ADAMTS6: variants seen among roughly 807,000 people sequenced by gnomAD.
ADAMTS6 encodes the protein A disintegrin and metalloproteinase with thrombospondin motifs 6.
ADAMTS6 carries 23 observed loss-of-function variants against 144.3 expected under a neutral mutation model. That is an observed-to-expected ratio of 0.16 (90% confidence interval 0.11 to 0.23). The LOEUF is 0.23. Among genes scored for constraint, ADAMTS6 ranks in the 10% least tolerant of loss-of-function variants. ADAMTS6 has a pLI of 1.00. For missense variants in ADAMTS6, 999 were observed against 1,379.6 expected (o/e 0.72, Z 4.37); for synonymous variants, 444 against 457.5 (o/e 0.97, Z 0.38).
chr5:65,353,137 T>C (rs1234589913), intron 7 of ADAMTS6, among the ~76,000 whole-genome samples: 2 of 152,058 alleles, frequency 1.3e-5, no homozygotes, highest in Admixed American at 6.5e-5. Context: ...TTGTTATCTA[T>C]GAGGTGCATC....
At position 65,367,906 on chromosome 5, in the gene ADAMTS6, A is replaced by G. The variant is rs562194817; in HGVS notation, c.1074-33821T>C. On this transcript the variant is annotated intron_variant, in intron 7 of 24. Coordinates refer to ENST00000381055, the MANE Select transcript of ADAMTS6 (RefSeq NM_197941.4). ...TATATATATGTGTATATATATGTGT[A>G]TATATATGACCAATCACATAAAATT... is the stretch of plus-strand genomic sequence containing the variant. 4.3e-4 allele frequency among the ~76,000 whole-genome samples: 65 copies of G among 152,094 alleles called. No individual in the cohort carries two copies. In the South Asian group the frequency reaches 0.013, roughly 30 times the overall value.
At chr5:65,168,148 C>T (rs1274671423) in intron 24 of ADAMTS6, among the ~76,000 whole-genome samples, 1 of 148,516 alleles carries the variant, frequency 6.7e-6, no homozygotes, top group Non-Finnish European at 1.5e-5. Flanking sequence ...TCATCTCAGC[C>T]CAAAATCTCC....
intron 7 of ADAMTS6, among the ~76,000 whole-genome samples, chr5:65,379,888 G>T (rs1195657972): frequency 6.6e-6 from 1 of 151,694 alleles, no homozygotes; most frequent in Non-Finnish European, 1.5e-5. Flanking sequence ...ACATACATTT[G>T]CCTTTTAACT....
chr5:65,185,233 G>A (rs1421091800), intron 22 of ADAMTS6, among the ~76,000 whole-genome samples: 3 of 152,128 alleles, frequency 2.0e-5, no homozygotes, highest in Non-Finnish European at 2.9e-5. Flanking sequence ...CTTACTTATT[G>A]TTAACCCATC....
At chr5:65,460,469 A>G (rs1759564497) in intron 3 of ADAMTS6, 131 bp from the exon 4 acceptor site, 1 of 832,284 alleles carries the variant, frequency 1.2e-6, no homozygotes, top group South Asian at 1.9e-5. Flanking sequence ...TAAAAAAATT[A>G]GCGAATTATC....
intron 1 of ADAMTS6, among the ~76,000 whole-genome samples, chr5:65,478,582 C>T (rs1283453850): frequency 2.6e-5 from 4 of 152,106 alleles, no homozygotes; most frequent in Non-Finnish European, 5.9e-5. Context: ...ATTAGCCCTC[C>T]TTCCTTCATT....
At chr5:65,415,075 C>A (rs183006230) in intron 7 of ADAMTS6, among the ~76,000 whole-genome samples, 1 of 152,012 alleles carries the variant, frequency 6.6e-6, no homozygotes, top group East Asian at 1.9e-4. Flanking sequence ...AAAATATTTG[C>A]GAATCATATA....
chr5:65,291,125 T>C (rs1742259143), intron 11 of ADAMTS6, among the ~76,000 whole-genome samples: 2 of 152,122 alleles, frequency 1.3e-5, no homozygotes, highest in Admixed American at 6.6e-5. Context: ...TCACAAGAAA[T>C]CTGTAATGTG....
chr5:65,361,340 C>T (rs1749804660), intron 7 of ADAMTS6, among the ~76,000 whole-genome samples: 1 of 152,164 alleles, frequency 6.6e-6, no homozygotes, highest in African/African-American at 2.4e-5. Context: ...TCCAAAGACA[C>T]TCAAATAGCC....
intron 7 of ADAMTS6, among the ~76,000 whole-genome samples, chr5:65,357,899 T>G (rs1464427130): frequency 2.6e-5 from 4 of 151,912 alleles, no homozygotes; most frequent in Non-Finnish European, 4.4e-5. Flanking sequence ...TGAATTATAC[T>G]AAATATCTAA....
At chr5:65,314,524 C>G (rs1744803715) in intron 9 of ADAMTS6, among the ~76,000 whole-genome samples, 1 of 151,876 alleles carries the variant, frequency 6.6e-6, no homozygotes, top group African/African-American at 2.4e-5. Context: ...TGACAGATAC[C>G]CAACTACAGA....
At chr5:65,209,689 CAT>C (rs1756363051) in intron 20 of ADAMTS6, among the ~76,000 whole-genome samples, 1 of 152,184 alleles carries the variant, frequency 6.6e-6, no homozygotes, top group Non-Finnish European at 1.5e-5. Flanking sequence ...ATTAATAAAA[CAT>C]ATGCAGGAAA....
chr5:65,233,678 C>G (rs1280572729), intron 15 of ADAMTS6, among the ~76,000 whole-genome samples: 1 of 151,930 alleles, frequency 6.6e-6, no homozygotes, highest in Non-Finnish European at 1.5e-5. Context: ...TTGGAAAGAT[C>G]AATATTGTCA....
At chr5:65,271,632 C>G (rs1762065570) in intron 12 of ADAMTS6, among the ~76,000 whole-genome samples, 1 of 152,006 alleles carries the variant, frequency 6.6e-6, no homozygotes, top group African/African-American at 2.4e-5. Flanking sequence ...ACTGGTGGAG[C>G]TGAGCTATGT....
intron 1 of ADAMTS6, among the ~76,000 whole-genome samples, chr5:65,474,796 C>CAAA (rs11330695): frequency 6.3e-5 from 5 of 78,852 alleles, no homozygotes; most frequent in African/African-American, 1.3e-4. Flanking sequence ...AAACTGTGAC[C>CAAA]AAAAAAAAAA....
intron 20 of ADAMTS6, among the ~76,000 whole-genome samples, chr5:65,213,231 CAGTAG>C (rs1756657628): frequency 6.7e-6 from 1 of 148,434 alleles, no homozygotes; most frequent in Admixed American, 6.8e-5. Flanking sequence ...ATACTTTACA[CAGTAG>C]AGTACATTAA....
At chr5:65,168,054 A>G (rs1448126392) in intron 24 of ADAMTS6, among the ~76,000 whole-genome samples, 1 of 151,166 alleles carries the variant, frequency 6.6e-6, no homozygotes, top group Admixed American at 6.6e-5. Flanking sequence ...CAGGAGAAGG[A>G]AATAAAGAAT....
At chr5:65,288,190 T>A (rs913492485) in intron 11 of ADAMTS6, among the ~76,000 whole-genome samples, 5 of 152,162 alleles carry the variant, frequency 3.3e-5, no homozygotes, top group Non-Finnish European at 7.3e-5. Context: ...TAACTACAGA[T>A]GTAATCATTG....
At chr5:65,328,025 C>T (rs1334090537) in intron 9 of ADAMTS6, among the ~76,000 whole-genome samples, 1 of 151,994 alleles carries the variant, frequency 6.6e-6, no homozygotes, top group African/African-American at 2.4e-5. Context: ...GGGGCTTTTC[C>T]TTTTATTCAC....
Sources: allele counts gnomAD v4.1 joint callset (sites outside exome capture counted in the v4.1 genomes callset), GRCh38; gene constraint gnomAD v4.1.1; transcripts MANE v1.5; gene names NCBI Gene and HGNC (gene_info 2026-07-23, HGNC 2026-07-21).